The following GRID2 variants were observed in gnomAD, a reference collection of about 807,000 sequenced individuals.
GRID2 encodes glutamate receptor ionotropic, delta-2.
In GRID2, 33 loss-of-function variants were observed where a neutral mutation model predicts 114.8. The ratio of observed to expected loss-of-function variants is 0.29; its 90% CI spans 0.22 to 0.38. The LOEUF (loss-of-function observed/expected upper bound fraction) is 0.38. GRID2 is among the 10% of genes least tolerant of loss of function. The pLI, the probability that GRID2 is intolerant of heterozygous loss-of-function variation, is 1.00. For missense variants in GRID2, 1,184 were observed against 1,257.7 expected, an observed-to-expected ratio of 0.94 and a Z score of 0.89; for synonymous variants, 505 against 449.9, an observed-to-expected ratio of 1.12 and a Z score of -1.55.
At chr4:92,674,767 C>T (rs192566731) in intron 2 of GRID2, among the ~76,000 whole-genome samples, 61 of 152,212 alleles carry the variant, frequency 4.0e-4, no homozygotes, top group African/African-American at 1.4e-3. Context: ...GTGATCCACC[C>T]GCTTCGGCCT....
chr4:93,205,608 C>T (rs180826581), intron 4 of GRID2, among the ~76,000 whole-genome samples: 164 of 152,232 alleles, frequency 1.1e-3, no homozygotes, highest in African/African-American at 3.5e-3. Flanking sequence ...AATAGTGCCG[C>T]GATAAACATA....
At chr4:92,585,012 C>T (rs886917123) in intron 1 of GRID2, among the ~76,000 whole-genome samples, 11 of 152,024 alleles carry the variant, frequency 7.2e-5, no homozygotes, top group African/African-American at 2.7e-4. Context: ...CTTCTTATGG[C>T]ATCTTATTTC....
At chr4:92,614,917 G>T (rs955898380) in intron 2 of GRID2, among the ~76,000 whole-genome samples, 3 of 149,982 alleles carry the variant, frequency 2.0e-5, no homozygotes, top group South Asian at 2.1e-4. Context: ...TTTTACTGAT[G>T]AATTTAGTCT....
chr4:93,264,853 G>T (rs1750643669), intron 8 of GRID2, among the ~76,000 whole-genome samples: 1 of 150,810 alleles, frequency 6.6e-6, no homozygotes, highest in Non-Finnish European at 1.5e-5. Flanking sequence ...CACAATCTCA[G>T]CTCACTGCAA....
chr4:92,756,089 C>T (rs183473653), intron 2 of GRID2, among the ~76,000 whole-genome samples: 9 of 152,188 alleles, frequency 5.9e-5, no homozygotes, highest in East Asian at 1.9e-4. Flanking sequence ...TCTTCACACG[C>T]GTCCCCACCC....
At chr4:93,006,723 G>A (rs1036166868) in intron 2 of GRID2, among the ~76,000 whole-genome samples, 3 of 150,410 alleles carry the variant, frequency 2.0e-5, no homozygotes, top group African/African-American at 7.3e-5. Flanking sequence ...ATCTATAAAG[G>A]CAATAAAATT....
chr4:93,428,568 CA>C (rs1475549127), intron 10 of GRID2, among the ~76,000 whole-genome samples: 4 of 151,904 alleles, frequency 2.6e-5, no homozygotes, highest in Non-Finnish European at 1.5e-5. Flanking sequence ...ATTTTTGATG[CA>C]AAAATACTTT....
intron 1 of GRID2, among the ~76,000 whole-genome samples, chr4:92,430,935 A>ACTTT (rs1560624578): frequency 3.9e-5 from 6 of 152,070 alleles, no homozygotes; most frequent in African/African-American, 1.4e-4. Flanking sequence ...TATGCTGCTG[A>ACTTT]ATTTTGTATG....
At chr4:92,831,219 A>G (rs1221561999) in intron 2 of GRID2, among the ~76,000 whole-genome samples, 1 of 152,190 alleles carries the variant, frequency 6.6e-6, no homozygotes, top group Non-Finnish European at 1.5e-5. Context: ...ATTCTTTTAT[A>G]TCACTGTGAA....
chr4:93,648,309 A>G (rs933604270), intron 14 of GRID2, among the ~76,000 whole-genome samples: 1 of 152,200 alleles, frequency 6.6e-6, no homozygotes, highest in Admixed American at 6.5e-5. Flanking sequence ...GGATTTATCA[A>G]TAAAAAGTAA....
chr4:93,416,719 A>C (rs1767747406), intron 9 of GRID2, among the ~76,000 whole-genome samples: 1 of 152,108 alleles, frequency 6.6e-6, no homozygotes, highest in Admixed American at 6.6e-5. Flanking sequence ...AGTGTTGTAA[A>C]TCAACTAAGC....
intron 14 of GRID2, among the ~76,000 whole-genome samples, chr4:93,728,953 G>C (rs1372960506): frequency 6.6e-6 from 1 of 152,150 alleles, no homozygotes; most frequent in Non-Finnish European, 1.5e-5. Context: ...TTGCCAGTCT[G>C]TGTCTTTTAA....
chr4:92,843,505 TATTAA>T (rs1307960582), intron 2 of GRID2, among the ~76,000 whole-genome samples: 1 of 152,134 alleles, frequency 6.6e-6, no homozygotes, highest in Non-Finnish European at 1.5e-5. Flanking sequence ...AAAATGGTAA[TATTAA>T]ATTATAAACC....
chr4:93,621,761 A>G (rs1337096168), intron 13 of GRID2, among the ~76,000 whole-genome samples: 1 of 152,214 alleles, frequency 6.6e-6, no homozygotes, highest in Non-Finnish European at 1.5e-5. Flanking sequence ...AAAAGCTAAA[A>G]TAGTTTGGGT....
chr4:92,780,669 A>G (rs902522933), intron 2 of GRID2, among the ~76,000 whole-genome samples: 2 of 152,100 alleles, frequency 1.3e-5, no homozygotes, highest in African/African-American at 4.8e-5. Flanking sequence ...CTTCCTTCAG[A>G]TAAGTAACCC....
intron 1 of GRID2, among the ~76,000 whole-genome samples, chr4:92,543,456 T>C (rs1008738927): frequency 2.0e-5 from 3 of 152,202 alleles, no homozygotes; most frequent in Non-Finnish European, 4.4e-5. Context: ...CTTGTAAATA[T>C]TTATTCTTAT....
chr4:92,727,324 G>A (rs1736116119), intron 2 of GRID2, among the ~76,000 whole-genome samples: 1 of 152,092 alleles, frequency 6.6e-6, no homozygotes, highest in South Asian at 2.1e-4. Flanking sequence ...ATAAATTTAT[G>A]CAAAAACATT....
rs59328379 is a variant in GRID2 at position 92,473,964 on chromosome 4, T to TTGTGTGTGTGTG, written c.89-116137_89-116126dup. 6.0e-3 allele frequency among the ~76,000 whole-genome samples: 867 copies of TTGTGTGTGTGTG among 144,418 alleles called. 8 individuals carry two copies. The highest frequency in any genetic ancestry group is 0.011 in the Admixed American group (160 of 14,344). 94.7% of individuals were successfully genotyped at this position (144,418 alleles called of 152,430 possible). On this transcript the variant is annotated intron_variant, in intron 1 of 15. Coordinates refer to ENST00000282020, the MANE Select transcript of GRID2 (RefSeq NM_001510.4). The stretch of plus-strand genomic sequence containing the variant: ...CCATCACCTCAAATTGTTATCTTGG[T>TTGTGTGTGTGTG]TGTGTGTGTGTGTGTGTGTGTGTGT...
chr4:93,752,419 G>A (rs1732403686), intron 14 of GRID2, among the ~76,000 whole-genome samples: 1 of 151,780 alleles, frequency 6.6e-6, no homozygotes, highest in African/African-American at 2.4e-5. Flanking sequence ...CATCCAGGCT[G>A]GAGTGCCCTG....
Sources: allele counts gnomAD v4.1 joint callset (sites outside exome capture counted in the v4.1 genomes callset), GRCh38; gene constraint gnomAD v4.1.1; transcripts MANE v1.5; gene names NCBI Gene and HGNC (gene_info 2026-07-23, HGNC 2026-07-21).